The following ATAD2B variants were observed in gnomAD, a reference collection of about 807,000 sequenced individuals.
ATAD2B encodes ATPase family AAA domain-containing protein 2B.
ATAD2B carries 40 observed loss-of-function variants against 167.6 expected under a neutral mutation model. The observed-to-expected ratio is 0.24, with a 90% CI of 0.19 to 0.31. The LOEUF is 0.31. ATAD2B is among the 10% of genes least tolerant of loss of function. ATAD2B has a pLI of 1.00. For synonymous variants in ATAD2B, 579 were observed against 596.5 expected (o/e 0.97, Z 0.43); for missense variants, 1,242 against 1,757.2 (o/e 0.71, Z 5.24).
intron 1 of ATAD2B, among the ~76,000 whole-genome samples, chr2:23,916,981 A>T (rs1238294454): frequency 6.6e-6 from 1 of 152,208 alleles, no homozygotes; most frequent in African/African-American, 2.4e-5. Flanking sequence ...ACCTGCTTTC[A>T]CCCCAAACAC....
intron 17 of ATAD2B, among the ~76,000 whole-genome samples, chr2:23,814,346 A>G (rs1416851173): frequency 6.6e-6 from 1 of 152,224 alleles, no homozygotes; most frequent in Admixed American, 6.5e-5. Flanking sequence ...GTGTTATCAT[A>G]GAGCTCATAA....
chr2:23,746,624 G>A (rs1323384793), downstream of ATAD2B, among the ~76,000 whole-genome samples: 1 of 152,140 alleles, frequency 6.6e-6, no homozygotes, highest in Non-Finnish European at 1.5e-5. Context: ...TAACAGGAAT[G>A]GAGAAAGGGT....
chr2:23,822,770 T>C lies in ATAD2B; in HGVS notation c.2131+488A>G, dbSNP rs573394703. 2.7e-5 allele frequency among the ~76,000 whole-genome samples: 4 copies of C among 150,336 alleles called. No homozygotes were observed. The South Asian group carries it at 6.3e-4, about 24-fold the overall frequency. ...ATCTCTACTAAAAATACAAAAAAAT[T>C]AGCCGGGCGTGGTGGCAGGTGCCTG... is the stretch of plus-strand genomic sequence containing the variant. On this transcript the variant is annotated intron_variant, in intron 16 of 27. Coordinates refer to ENST00000238789, the MANE Select transcript of ATAD2B (RefSeq NM_017552.4).
chr2:23,926,986 A>C lies in ATAD2B; in HGVS notation c.-216T>G, dbSNP rs1704986668. On this transcript the variant is annotated 5_prime_UTR_variant, in exon 1 of 28. Transcript: ENST00000238789. ...GTGCGGGAAGCGGGGGCGGTGCTGC[A>C]GACCGGCAGCACAGACACTCCGCCG... The C allele has an allele frequency of 2.7e-5, 15 of 555,404 alleles. No homozygotes were observed. The East Asian group carries it at 4.8e-4, about 18-fold the overall frequency. The allele number at this position is 555,404 out of a possible 1,614,324, so 34.4% of individuals were successfully genotyped here. A position where few individuals can be genotyped will look rare whatever the true frequency, so the allele number is the denominator to read the frequency against.
chr2:23,916,434 T>C (rs552945991), intron 1 of ATAD2B, among the ~76,000 whole-genome samples: 67 of 152,200 alleles, frequency 4.4e-4, no homozygotes, highest in Non-Finnish European at 8.1e-4. Context: ...TAAATTTAAG[T>C]CCAAAAATAA....
At chr2:23,868,014 T>C (rs1478089284) in intron 9 of ATAD2B, 68 bp from the exon 10 acceptor site, 2 of 1,043,996 alleles carry the variant, frequency 1.9e-6, no homozygotes, top group Non-Finnish European at 2.9e-6. Flanking sequence ...AAAATAAGTT[T>C]ACATTCTTTG....
chr2:23,821,488 A>G (rs1687443484), intron 16 of ATAD2B, among the ~76,000 whole-genome samples: 1 of 152,234 alleles, frequency 6.6e-6, no homozygotes, highest in South Asian at 2.1e-4. Context: ...CAAATTTAAG[A>G]AATCAGGTAT....
chr2:23,793,295 A>G (rs943800772), intron 19 of ATAD2B, among the ~76,000 whole-genome samples: 1 of 152,188 alleles, frequency 6.6e-6, no homozygotes, highest in Non-Finnish European at 1.5e-5. Flanking sequence ...ATAATCTTAA[A>G]CCTGCTCATA....
intron 7 of ATAD2B, among the ~76,000 whole-genome samples, chr2:23,879,901 T>A (rs567285406): frequency 1.3e-5 from 2 of 151,558 alleles, no homozygotes; most frequent in East Asian, 3.9e-4. Flanking sequence ...CTGAAAAAAA[T>A]ATAAAAATTA....
chr2:23,698,140 G>C, the ATAD2B span, among the ~76,000 whole-genome samples: 2 of 152,282 alleles, frequency 1.3e-5, no homozygotes, highest in South Asian at 2.1e-4. Flanking sequence ...GCCTTCCCTG[G>C]GGGGCAAGGC....
At chr2:23,769,166 C>T (rs1677906273) in intron 22 of ATAD2B, among the ~76,000 whole-genome samples, 1 of 152,120 alleles carries the variant, frequency 6.6e-6, no homozygotes, top group South Asian at 2.1e-4. Flanking sequence ...AGTGGCCGAG[C>T]ACGGGGGCTC....
At chr2:23,706,541 C>T in the ATAD2B span, 62 of 1,536,826 alleles carry the variant, frequency 4.0e-5, no homozygotes, top group Middle Eastern at 1.7e-4. Flanking sequence ...GTGAAGGGCC[C>T]GCGCTGGGCA....
Position 23,893,712 on chromosome 2 carries a change from C to A in ATAD2B, c.368+2107G>T, listed in dbSNP as rs561228056. 1.0e-4 allele frequency among the ~76,000 whole-genome samples: 15 copies of A among 149,680 alleles called. No homozygotes were observed. In the Middle Eastern group the frequency reaches 0.01, roughly 103 times the overall value. ...CGAAGACAGGTCTCACTCTGCCACCCGGGATGGAGTGCGATGGCGTGATCA... is the reference window on the plus strand; with the variant it reads ...CGAAGACAGGTCTCACTCTGCCACCAGGGATGGAGTGCGATGGCGTGATCA... On this transcript the variant is annotated intron_variant, in intron 2 of 27. Coordinates refer to ENST00000238789, the MANE Select transcript of ATAD2B (RefSeq NM_017552.4).
Position 23,749,144 on chromosome 2 carries a change from G to A in ATAD2B, c.*2902C>T, listed in dbSNP as rs2149285190. On this transcript the variant is annotated 3_prime_UTR_variant, in exon 28 of 28. Coordinates refer to ENST00000238789, the MANE Select transcript of ATAD2B (RefSeq NM_017552.4). ...TAAACCTACAAATACATTGGCTTAT[G>A]AGAAAAATCAAGTCATGAAACAACA... 6.6e-6 allele frequency: 1 copy of A among 151,846 alleles called. No individual in the cohort carries two copies. The highest frequency in any genetic ancestry group is 2.1e-4 in the South Asian group (1 of 4,818). 9.4% of individuals were successfully genotyped at this position (151,846 alleles called of 1,614,324 possible).
chr2:23,879,433 T>A (rs1471029009), intron 7 of ATAD2B, among the ~76,000 whole-genome samples: 1 of 151,938 alleles, frequency 6.6e-6, no homozygotes, highest in African/African-American at 2.4e-5. Context: ...CACAGCAAGA[T>A]CCTGTTTCTA....
intron 7 of ATAD2B, among the ~76,000 whole-genome samples, chr2:23,878,078 G>A (rs1697298241): frequency 7.0e-6 from 1 of 143,508 alleles, no homozygotes; most frequent in Non-Finnish European, 1.5e-5. Flanking sequence ...AATTACAAAT[G>A]GGCCAGGCAT....
intron 27 of ATAD2B, among the ~76,000 whole-genome samples, chr2:23,753,375 C>A (rs1405220125): frequency 6.6e-6 from 1 of 152,140 alleles, no homozygotes; most frequent in East Asian, 1.9e-4. Context: ...CCCAGCACAG[C>A]ATCTGGCACT....
intron 1 of ATAD2B, among the ~76,000 whole-genome samples, chr2:23,906,100 G>A (rs1262938984): frequency 6.6e-6 from 1 of 152,186 alleles, no homozygotes; most frequent in African/African-American, 2.4e-5. Flanking sequence ...ACTTTGGGAA[G>A]CAGAGGCGGG....
the ATAD2B span, chr2:23,696,538 G>A: frequency 1.4e-6 from 2 of 1,478,764 alleles, no homozygotes; most frequent in Non-Finnish European, 1.8e-6. This position sits in a 1 kb window ranked among gnomAD's most constrained non-coding sequence, Gnocchi z 5.5. Flanking sequence ...GTCAGGACAG[G>A]GGCATGCTCT....
Sources: allele counts gnomAD v4.1 joint callset (sites outside exome capture counted in the v4.1 genomes callset), GRCh38; gene constraint gnomAD v4.1.1; non-coding constraint Gnocchi (gnomAD v3.1); transcripts MANE v1.5; gene names NCBI Gene and HGNC (gene_info 2026-07-23, HGNC 2026-07-21).